The following C3orf49 variants were observed in gnomAD, a reference collection of about 807,000 sequenced individuals.
C3orf49 encodes the protein chromosome 3 open reading frame 49, also known as putative uncharacterized protein C3orf49.
C3orf49 carries 27 observed loss-of-function variants against 13.3 expected under a neutral mutation model. The observed-to-expected ratio is 2.02, with a 90% CI of 1.49 to 2.79. The LOEUF (loss-of-function observed/expected upper bound fraction) is 2.79. C3orf49 is among the 30% of genes most tolerant of loss of function. The probability of loss-of-function intolerance (pLI) is 0.00; values close to 1 mark genes in which losing one functional copy is unlikely to be tolerated. For missense variants in C3orf49, 242 were observed against 134.2 expected, an observed-to-expected ratio of 1.80 and a Z score of -3.97; for synonymous variants, 87 against 47.6, an observed-to-expected ratio of 1.83 and a Z score of -3.40.
intron 5 of C3orf49, chr3:63,837,972 T>C: frequency 6.2e-7 from 1 of 1,607,158 alleles, no homozygotes; most frequent in South Asian, 1.1e-5. Context: ...CTCAAAACCC[T>C]TACCTTGGCG....
chr3:63,838,210 A>T (rs1331940122), intron 5 of C3orf49: 2 of 894,284 alleles, frequency 2.2e-6, no homozygotes, highest in East Asian at 5.4e-5. Flanking sequence ...GTACTATATC[A>T]TCTTAGAATA....
At chr3:63,840,835 A>G (rs1006285397) in intron 5 of C3orf49, among the ~76,000 whole-genome samples, 2 of 152,252 alleles carry the variant, frequency 1.3e-5, no homozygotes, top group African/African-American at 4.8e-5. Context: ...TTTATACACT[A>G]ATAAAATGCA....
the C3orf49 span, among the ~76,000 whole-genome samples, chr3:63,806,436 T>A: frequency 6.6e-6 from 1 of 152,230 alleles, no homozygotes; most frequent in East Asian, 1.9e-4. Flanking sequence ...CAATGTGATA[T>A]AATAATGTTT....
chr3:63,805,224 A>C, the C3orf49 span: 1 of 152,232 alleles, frequency 6.6e-6, no homozygotes, highest in African/African-American at 2.4e-5. Context: ...AATTTGGAAA[A>C]GCTAGAACAT....
chr3:63,782,831 G>A, the C3orf49 span: 2 of 152,176 alleles, frequency 1.3e-5, no homozygotes, highest in African/African-American at 2.4e-5. Context: ...AGAACTTATG[G>A]CTATGGGTTC....
chr3:63,827,484 A>G, intron 2 of C3orf49, 117 bp from the exon 3 acceptor site: 1 of 571,470 alleles, frequency 1.7e-6, no homozygotes, highest in Non-Finnish European at 3.1e-6. Context: ...CTCTAAAGAA[A>G]AAAAAAGCCA....
At position 63,845,043 on chromosome 3, in the gene C3orf49, A is replaced by T; in HGVS notation, c.870A>T (p.Gly290=). Residue 290 remains glycine (G), a synonymous_variant, in exon 6 of 7, where the codon GGA becomes GGT. Transcript: ENST00000295896. ...KLKNMTTKGP[G]DS ...GACAGATGACCACAAAAGGACCTGG[A>T]GACAGCTGACCTGAGACTCCTTGAG... The T allele has an allele frequency of 1.4e-6, 1 of 700,396 alleles. No individual in the cohort carries two copies. The highest frequency in any genetic ancestry group is 2.0e-5 in the Admixed American group (1 of 49,686). 43.4% of individuals were successfully genotyped at this position (700,396 alleles called of 1,614,324 possible). A position where few individuals can be genotyped will look rare whatever the true frequency, so the allele number is the denominator to read the frequency against.
intron 5 of C3orf49, among the ~76,000 whole-genome samples, chr3:63,838,976 A>C (rs1211045634): frequency 6.6e-6 from 1 of 152,214 alleles, no homozygotes; most frequent in Non-Finnish European, 1.5e-5. Context: ...AGATCACTTA[A>C]TGCTAGAAGT....
intron 2 of C3orf49, among the ~76,000 whole-genome samples, chr3:63,825,311 A>G (rs978419283): frequency 6.7e-6 from 1 of 149,022 alleles, no homozygotes; most frequent in East Asian, 1.9e-4. Context: ...TTTTTCCAGG[A>G]AAAAAAAAAC....
chr3:63,801,625 TA>T, the C3orf49 span, among the ~76,000 whole-genome samples: 1 of 152,174 alleles, frequency 6.6e-6, no homozygotes, highest in South Asian at 2.1e-4. Flanking sequence ...GAGCATTAAA[TA>T]AAGTAGTACA....
intron 5 of C3orf49, chr3:63,833,858 A>G: frequency 3.3e-6 from 1 of 301,168 alleles, no homozygotes; most frequent in South Asian, 9.7e-5. Context: ...AATATTAATG[A>G]GCACAAACAT....
At chr3:63,783,566 A>ACACACACACACACAC in the C3orf49 span, among the ~76,000 whole-genome samples, 1 of 145,514 alleles carries the variant, frequency 6.9e-6, no homozygotes, top group South Asian at 2.2e-4. Context: ...ACACACACAC[A>ACACACACACACACAC]AATTAGCCAG....
the C3orf49 span, among the ~76,000 whole-genome samples, chr3:63,800,824 T>C: frequency 6.6e-6 from 1 of 152,240 alleles, no homozygotes; most frequent in Non-Finnish European, 1.5e-5. Context: ...AACAGGAACC[T>C]TGAGGCAGTA....
At chr3:63,828,620 A>G in intron 3 of C3orf49, among the ~76,000 whole-genome samples, 1 of 152,148 alleles carries the variant, frequency 6.6e-6, no homozygotes, top group East Asian at 1.9e-4. Flanking sequence ...GTTTGATCCT[A>G]AATTGCCCAG....
the C3orf49 span, among the ~76,000 whole-genome samples, chr3:63,787,633 C>T: frequency 6.6e-6 from 1 of 152,096 alleles, no homozygotes; most frequent in Non-Finnish European, 1.5e-5. Context: ...CCAGGGCCAT[C>T]ACCGGGAAAG....
upstream of C3orf49, among the ~76,000 whole-genome samples, chr3:63,815,197 A>G (rs149037927): frequency 5.6e-4 from 86 of 152,328 alleles, no homozygotes; most frequent in African/African-American, 2.0e-3. Context: ...TTACATTTCA[A>G]TATGAGATTT....
chr3:63,790,050 C>G, the C3orf49 span, among the ~76,000 whole-genome samples: 1 of 152,124 alleles, frequency 6.6e-6, no homozygotes, highest in Non-Finnish European at 1.5e-5. Context: ...ATACATTGTC[C>G]TTATAGCCAG....
chr3:63,844,809 A>G (rs1013001495), intron 5 of C3orf49, among the ~76,000 whole-genome samples: 8 of 152,222 alleles, frequency 5.3e-5, no homozygotes, highest in Non-Finnish European at 1.0e-4. Flanking sequence ...CTCTAGAACC[A>G]TAAGTCAAAT....
chr3:63,795,593 A>G, the C3orf49 span, among the ~76,000 whole-genome samples: 1 of 152,088 alleles, frequency 6.6e-6, no homozygotes, highest in East Asian at 1.9e-4. Flanking sequence ...TCATTTGCTC[A>G]ATCGTCCTCT....
Sources: gnomAD v4.1 joint callset for allele counts (sites outside exome capture counted in the v4.1 genomes callset) on GRCh38, gnomAD v4.1.1 for gene constraint, MANE v1.5 for transcripts, NCBI Gene and HGNC (gene_info 2026-07-23, HGNC 2026-07-21) for gene names.